The following NUBPL variants were observed in gnomAD, a reference collection of about 807,000 sequenced individuals.
NUBPL encodes the protein NUBP iron-sulfur cluster assembly factor, mitochondrial, also known as iron-sulfur cluster transfer protein NUBPL.
NUBPL carries 31 observed loss-of-function variants against 45.7 expected under a neutral mutation model. That is an observed-to-expected ratio of 0.68 (90% CI 0.51 to 0.92). The LOEUF (loss-of-function observed/expected upper bound fraction) is 0.92, where lower values mean the gene tolerates loss of function less well. Among genes scored for constraint, NUBPL ranks in the 40% least tolerant of loss-of-function variants. The probability of loss-of-function intolerance (pLI) is 0.00; values close to 1 mark genes in which losing one functional copy is unlikely to be tolerated. For synonymous variants in NUBPL, 144 were observed against 140.9 expected (o/e 1.02, Z -0.15); for missense variants, 401 against 398.7 (o/e 1.01, Z -0.05).
intron 6 of NUBPL, among the ~76,000 whole-genome samples, chr14:31,725,023 T>C (rs544581114): frequency 4.0e-4 from 61 of 152,088 alleles, no homozygotes; most frequent in African/African-American, 1.4e-3. Context: ...TTATGTCATC[T>C]AGTATCTTAT....
At chr14:31,784,272 G>A (rs1026331202) in intron 6 of NUBPL, among the ~76,000 whole-genome samples, 1 of 152,054 alleles carries the variant, frequency 6.6e-6, no homozygotes, top group African/African-American at 2.4e-5. Flanking sequence ...CCTATGGCTT[G>A]TTTTCTTTAC....
chr14:31,695,418 C>G (rs10148949), intron 6 of NUBPL, among the ~76,000 whole-genome samples: 12,828 of 150,302 alleles, frequency 0.085, 656 homozygotes, highest in African/African-American at 0.14. Flanking sequence ...TTTAGATTGG[C>G]ACCAACTGTT....
intron 10 of NUBPL, among the ~76,000 whole-genome samples, chr14:31,854,530 C>T (rs914075975): frequency 6.6e-5 from 10 of 152,192 alleles, no homozygotes; most frequent in African/African-American, 1.2e-4. Context: ...ATGATAATAA[C>T]AGCAGCTACA....
chr14:31,747,270 T>G (rs1402610295), intron 6 of NUBPL, among the ~76,000 whole-genome samples: 2 of 151,314 alleles, frequency 1.3e-5, no homozygotes, highest in Admixed American at 6.6e-5. Flanking sequence ...TGAGTAGCTG[T>G]GACTACAGGC....
chr14:31,785,730 G>T (rs151089333), intron 6 of NUBPL, among the ~76,000 whole-genome samples: 1 of 152,086 alleles, frequency 6.6e-6, no homozygotes, highest in South Asian at 2.1e-4. Context: ...ATTTTATTAT[G>T]TTTATTGCTC....
At chr14:31,574,671 A>G (rs1355656105) in intron 3 of NUBPL, among the ~76,000 whole-genome samples, 3 of 142,764 alleles carry the variant, frequency 2.1e-5, no homozygotes, top group Non-Finnish European at 4.5e-5. Context: ...GCTCACTGCA[A>G]CCTTTGCCTC....
At chr14:31,698,543 G>A (rs2037264034) in intron 6 of NUBPL, among the ~76,000 whole-genome samples, 1 of 152,004 alleles carries the variant, frequency 6.6e-6, no homozygotes, top group African/African-American at 2.4e-5. Context: ...GAGACCATCA[G>A]TGTCTCCTTG....
At chr14:31,787,288 A>G (rs1174199606) in intron 6 of NUBPL, among the ~76,000 whole-genome samples, 1 of 152,190 alleles carries the variant, frequency 6.6e-6, no homozygotes, top group Non-Finnish European at 1.5e-5. Flanking sequence ...AAAGAATCAA[A>G]ATGTTAATAA....
At chr14:31,748,653 C>G (rs2038453732) in intron 6 of NUBPL, among the ~76,000 whole-genome samples, 2 of 151,988 alleles carry the variant, frequency 1.3e-5, no homozygotes, top group African/African-American at 4.8e-5. Flanking sequence ...TTCTTTGTTG[C>G]CCAGGTTGGT....
intron 6 of NUBPL, among the ~76,000 whole-genome samples, chr14:31,760,480 A>T (rs1157608050): frequency 6.6e-6 from 1 of 151,966 alleles, no homozygotes; most frequent in Non-Finnish European, 1.5e-5. Flanking sequence ...ACTTTGACCA[A>T]CACTCCCCCA....
intron 4 of NUBPL, among the ~76,000 whole-genome samples, chr14:31,605,903 C>CCTTCCTTCTCTCCTCCTCCCTT (rs2034580179): frequency 6.8e-6 from 1 of 147,226 alleles, no homozygotes; most frequent in African/African-American, 2.5e-5. Context: ...CCTCCCTTCT[C>CCTTCCTTCTCTCCTCCTCCCTT]CTTCCTTCTC....
At chr14:31,731,430 C>G (rs2038046219) in intron 6 of NUBPL, among the ~76,000 whole-genome samples, 1 of 152,210 alleles carries the variant, frequency 6.6e-6, no homozygotes, top group South Asian at 2.1e-4. Flanking sequence ...AGCATCACTT[C>G]TTAGTGGGCA....
chr14:31,738,090 CTT>C lies in NUBPL; in HGVS notation c.514-49687_514-49686del, dbSNP rs550249082. 2.0e-3 allele frequency among the ~76,000 whole-genome samples: 305 copies of C among 152,142 alleles called. 1 individual carries two copies. Among genetic ancestry groups the C allele is most frequent in the African/African-American group, 6.8e-3 (281 of 41,500 alleles). ...AAGCTTTTATGTTTTCAATAATAAACTTTTAAAATAGTGGTTGTCACTGCTTA... is the reference window on the plus strand; with the variant it reads ...AAGCTTTTATGTTTTCAATAATAAACTTAAAATAGTGGTTGTCACTGCTTA... On this transcript the variant is annotated intron_variant, in intron 6 of 10. Transcript: ENST00000281081.
At chr14:31,699,227 A>G (rs1252814279) in intron 6 of NUBPL, among the ~76,000 whole-genome samples, 1 of 152,198 alleles carries the variant, frequency 6.6e-6, no homozygotes, top group Non-Finnish European at 1.5e-5. Flanking sequence ...CAACAAATAT[A>G]TTAGACTTTT....
At chr14:31,726,513 C>A (rs942491337) in intron 6 of NUBPL, among the ~76,000 whole-genome samples, 1 of 152,156 alleles carries the variant, frequency 6.6e-6, no homozygotes, top group African/African-American at 2.4e-5. Flanking sequence ...ATGTGTCAGG[C>A]ATTCAGGGTT....
chr14:31,834,960 G>T (rs2040258720), intron 8 of NUBPL, among the ~76,000 whole-genome samples: 1 of 152,156 alleles, frequency 6.6e-6, no homozygotes, highest in Admixed American at 6.5e-5. Flanking sequence ...ACAGAATCTA[G>T]GGTATAAGAG....
intron 6 of NUBPL, among the ~76,000 whole-genome samples, chr14:31,697,994 G>A (rs1301129226): frequency 1.3e-5 from 2 of 152,144 alleles, no homozygotes; most frequent in African/African-American, 2.4e-5. Flanking sequence ...CCAAGCAGGC[G>A]ATGAGAAGAG....
At chr14:31,585,789 T>C (rs1186300396) in intron 3 of NUBPL, among the ~76,000 whole-genome samples, 12 of 152,220 alleles carry the variant, frequency 7.9e-5, no homozygotes, top group Non-Finnish European at 1.6e-4. Flanking sequence ...TGACTGTGTT[T>C]CTGTTGGACT....
intron 4 of NUBPL, among the ~76,000 whole-genome samples, chr14:31,651,028 G>A (rs959901342): frequency 1.3e-5 from 2 of 152,182 alleles, no homozygotes; most frequent in Non-Finnish European, 2.9e-5. Flanking sequence ...GCACAACCCA[G>A]ACACCTCTCA....
Sources: allele counts gnomAD v4.1 joint callset (sites outside exome capture counted in the v4.1 genomes callset), GRCh38; gene constraint gnomAD v4.1.1; transcripts MANE v1.5; gene names NCBI Gene and HGNC (gene_info 2026-07-23, HGNC 2026-07-21).